SULT2B1: variants seen among roughly 807,000 people sequenced by gnomAD.
SULT2B1 encodes sulfotransferase 2B1.
In SULT2B1, 16 loss-of-function variants were observed where a neutral mutation model predicts 33.2. The ratio of observed to expected loss-of-function variants is 0.48; its 90% CI spans 0.33 to 0.73. The LOEUF is 0.73. Ranked by LOEUF, SULT2B1 falls within the 30% of genes least tolerant of loss-of-function variation. The probability of loss-of-function intolerance (pLI) is 0.02; values close to 1 mark genes in which losing one functional copy is unlikely to be tolerated. For missense variants in SULT2B1, 500 were observed against 506.0 expected, an observed-to-expected ratio of 0.99 and a Z score of 0.11; for synonymous variants, 186 against 200.5, an observed-to-expected ratio of 0.93 and a Z score of 0.61.
chr19:48,592,872 C>A, intron 5 of SULT2B1, 56 bp downstream of exon 5: 1 of 1,440,286 alleles, frequency 6.9e-7, no homozygotes, highest in Non-Finnish European at 9.6e-7. Flanking sequence ...TGCTCACACC[C>A]CACACTCTCC....
chr19:48,554,517 C>G (rs551146923), intron 1 of SULT2B1, among the ~76,000 whole-genome samples: 113 of 148,976 alleles, frequency 7.6e-4, no homozygotes, highest in African/African-American at 2.5e-3. Context: ...TCATCTCCCC[C>G]CAACCTCACC....
At chr19:48,576,352 TAC>T (rs1491164501) in intron 2 of SULT2B1, among the ~76,000 whole-genome samples, 5 of 90,462 alleles carry the variant, frequency 5.5e-5, no homozygotes, top group South Asian at 3.9e-4. Context: ...CTTTACCCTC[TAC>T]TTCTCTTTTT....
chr19:48,580,485 C>G (rs1490654033), intron 2 of SULT2B1, among the ~76,000 whole-genome samples: 3 of 152,074 alleles, frequency 2.0e-5, no homozygotes, highest in Non-Finnish European at 4.4e-5. Context: ...GTTTCAAACT[C>G]CTCACCTCAG....
chr19:48,568,693 T>TG (rs746784643), intron 1 of SULT2B1, among the ~76,000 whole-genome samples: 2 of 152,068 alleles, frequency 1.3e-5, no homozygotes, highest in Admixed American at 6.6e-5. Flanking sequence ...CTCAGGCTGG[T>TG]GGTGGGGGAG....
Position 48,552,720 on chromosome 19 carries a change from A to G in SULT2B1, c.71+397A>G, listed in dbSNP as rs189557586. Among the ~76,000 whole-genome samples the G allele has an allele frequency of 2.6e-5, 4 of 152,240 alleles. No homozygotes were observed. Among genetic ancestry groups the G allele is most frequent in the Admixed American group, 2.6e-4 (4 of 15,288 alleles). Reference sequence around the variant, plus strand: ...CCAGGACACCCCATGCAAGCCCTGAAATAACGGGGGTGCTTGGGGGTGAAA... The same window carrying G: ...CCAGGACACCCCATGCAAGCCCTGAGATAACGGGGGTGCTTGGGGGTGAAA... On this transcript the variant is annotated intron_variant, in intron 1 of 6. Coordinates refer to ENST00000201586, the MANE Select transcript of SULT2B1 (RefSeq NM_177973.2). The surrounding 1 kb of genome is among the most constrained non-coding windows in gnomAD (Gnocchi z 4.8).
intron 5 of SULT2B1, chr19:48,595,812 G>C (rs1341821900): frequency 6.6e-6 from 1 of 151,834 alleles, no homozygotes; most frequent in East Asian, 1.9e-4. Flanking sequence ...GATTACAGGT[G>C]CCCGCCACCA....
At chr19:48,568,245 C>T (rs1973269675) in intron 1 of SULT2B1, among the ~76,000 whole-genome samples, 1 of 148,892 alleles carries the variant, frequency 6.7e-6, no homozygotes, top group African/African-American at 2.5e-5. Flanking sequence ...AAGATCAAGC[C>T]ACTGCATTCC....
At position 48,582,869 on chromosome 19, in the gene SULT2B1, G is replaced by T. The variant is rs191087612; in HGVS notation, c.215-4360G>T. Among the ~76,000 whole-genome samples, 547 of 149,412 alleles carry T rather than the reference G, an allele frequency of 3.7e-3. 5 individuals are homozygous for T. Among genetic ancestry groups the T allele is most frequent in the Middle Eastern group, 0.018 (5 of 278 alleles). Reference sequence around the variant, plus strand: ...AAATAAAATGAAAAAAGAATTATTTGCAGTCAGGCACGGTGGCTCATGCCT... The same window carrying T: ...AAATAAAATGAAAAAAGAATTATTTTCAGTCAGGCACGGTGGCTCATGCCT... On this transcript the variant is annotated intron_variant, in intron 2 of 6. Coordinates refer to ENST00000201586, the MANE Select transcript of SULT2B1 (RefSeq NM_177973.2).
chr19:48,565,840 C>T (rs1215886498), intron 1 of SULT2B1, among the ~76,000 whole-genome samples: 1 of 152,056 alleles, frequency 6.6e-6, no homozygotes, highest in Non-Finnish European at 1.5e-5. Context: ...AAGCCTCGAC[C>T]TCCCCAGCTC....
intron 5 of SULT2B1, 61 bp from the exon 6 acceptor site, chr19:48,596,678 T>G (rs1460617493): frequency 1.3e-6 from 2 of 1,484,150 alleles, no homozygotes; most frequent in Non-Finnish European, 1.8e-6. Flanking sequence ...GGATCCCAGG[T>G]TCCACGCTCC....
intron 5 of SULT2B1, chr19:48,596,436 ACT>A (rs1973715087): frequency 7.7e-6 from 1 of 129,090 alleles, no homozygotes; most frequent in Non-Finnish European, 1.4e-5. Context: ...TCTGCCCCCC[ACT>A]GTGACCTCTG....
intron 2 of SULT2B1, among the ~76,000 whole-genome samples, chr19:48,578,687 G>A (rs1973445473): frequency 6.6e-6 from 1 of 151,966 alleles, no homozygotes; most frequent in Non-Finnish European, 1.5e-5. Context: ...GACCAGTCTG[G>A]CCAACATGGT....
chr19:48,569,069 G>A (rs1490056081), intron 1 of SULT2B1, among the ~76,000 whole-genome samples: 1 of 152,134 alleles, frequency 6.6e-6, no homozygotes, highest in Non-Finnish European at 1.5e-5. Context: ...TAGGCTGGGC[G>A]TGGTGGCTCA....
At position 48,599,345 on chromosome 19, in the gene SULT2B1, A is replaced by ACACCAG. The variant is rs768315899; in HGVS notation, c.1038_1039insACCAGC (p.Asn346_Ser347insThrSer). 73 of 1,586,766 alleles carry ACACCAG rather than the reference A, an allele frequency of 4.6e-5. No homozygotes were observed. Among genetic ancestry groups the ACACCAG allele is most frequent in the Middle Eastern group, 1.7e-4 (1 of 6,056 alleles). ...AGCCTGGAGCGTGAGCCCAGACCCAACTCCAGCCCCAGCCCCAGCCCCGGC... is the reference window on the plus strand; with the variant it reads ...AGCCTGGAGCGTGAGCCCAGACCCAACACCAGCTCCAGCCCCAGCCCCAGCCCCGGC... On this transcript the variant is annotated inframe_insertion, in exon 7 of 7. Transcript: ENST00000201586. This position sits in a 1 kb window ranked among gnomAD's most constrained non-coding sequence, Gnocchi z 4.1.
intron 2 of SULT2B1, among the ~76,000 whole-genome samples, chr19:48,577,073 G>A (rs1023167540): frequency 3.3e-5 from 4 of 122,286 alleles, no homozygotes; most frequent in African/African-American, 1.0e-4. Flanking sequence ...TCTCTCTGTC[G>A]CCCAGGCTGG....
chr19:48,575,903 C>T (rs2147611438), intron 1 of SULT2B1, 38 bp from the exon 2 acceptor site: 1 of 1,593,244 alleles, frequency 6.3e-7, no homozygotes, highest in Non-Finnish European at 8.6e-7. Context: ...ACCCACCTCC[C>T]TACTCTCCCT....
chr19:48,557,401 G>A (rs943911862), intron 1 of SULT2B1, among the ~76,000 whole-genome samples: 2 of 152,006 alleles, frequency 1.3e-5, no homozygotes, highest in East Asian at 1.9e-4. Context: ...TTTGCCAGGC[G>A]TGGTGGCACT....
At chr19:48,563,652 A>T (rs1238316337) in intron 1 of SULT2B1, among the ~76,000 whole-genome samples, 1 of 152,088 alleles carries the variant, frequency 6.6e-6, no homozygotes, top group Non-Finnish European at 1.5e-5. Flanking sequence ...GGGACAGGGC[A>T]GGGACTGATT....
intron 1 of SULT2B1, among the ~76,000 whole-genome samples, chr19:48,557,494 C>T (rs1325215587): frequency 6.6e-6 from 1 of 151,012 alleles, no homozygotes; most frequent in Admixed American, 6.6e-5. Context: ...GAGCTGAGAT[C>T]GCATACTGCA....
Sources: gnomAD v4.1 joint callset for allele counts (sites outside exome capture counted in the v4.1 genomes callset) on GRCh38, gnomAD v4.1.1 for gene constraint, Gnocchi (gnomAD v3.1) non-coding constraint, MANE v1.5 for transcripts, NCBI Gene and HGNC (gene_info 2026-07-23, HGNC 2026-07-21) for gene names.